The following PCLO variants were observed in gnomAD, a reference collection of about 807,000 sequenced individuals.
PCLO encodes piccolo presynaptic cytomatrix protein, also known as protein piccolo.
Under a neutral mutation model 427.5 loss-of-function variants are expected in PCLO, and 82 were observed. The ratio of observed to expected loss-of-function variants is 0.19; its 90% CI spans 0.16 to 0.23. The LOEUF is 0.23. Among genes scored for constraint, PCLO ranks in the 10% least tolerant of loss-of-function variants. The pLI, the probability that PCLO is intolerant of heterozygous loss-of-function variation, is 1.00. For synonymous variants in PCLO, 2,357 were observed against 2,155.4 expected, an observed-to-expected ratio of 1.09 and a Z score of -2.59; for missense variants, 6,239 against 6,115.9, an observed-to-expected ratio of 1.02 and a Z score of -0.67.
intron 22 of PCLO, among the ~76,000 whole-genome samples, chr7:82,769,367 C>T (rs1554329944): frequency 2.6e-5 from 4 of 151,812 alleles, no homozygotes. Flanking sequence ...CACAGCAATG[C>T]TTTTTTTTGA....
chr7:83,009,132 T>G (rs775940915), intron 3 of PCLO, among the ~76,000 whole-genome samples: 12 of 151,798 alleles, frequency 7.9e-5, no homozygotes, highest in Admixed American at 2.6e-4. Flanking sequence ...TGTCTAAATA[T>G]AGCATGTCTA....
chr7:82,886,464 A>G (rs892087400), intron 9 of PCLO, among the ~76,000 whole-genome samples: 26 of 152,232 alleles, frequency 1.7e-4, no homozygotes, highest in African/African-American at 6.3e-4. Flanking sequence ...TGATTATGTA[A>G]TAATTATTAT....
At chr7:82,958,000 C>T (rs931500186) in intron 4 of PCLO, among the ~76,000 whole-genome samples, 4 of 151,982 alleles carry the variant, frequency 2.6e-5, no homozygotes, top group Non-Finnish European at 5.9e-5. Context: ...GACTTTTTTG[C>T]TAATTAAAAA....
intron 3 of PCLO, among the ~76,000 whole-genome samples, chr7:83,041,374 AT>A (rs1788969515): frequency 1.3e-5 from 2 of 152,256 alleles, no homozygotes; most frequent in East Asian, 1.9e-4. Context: ...TAAAGTCTCT[AT>A]TTTAAAATAG....
chr7:82,852,636 C>T (rs1792693955), intron 10 of PCLO, among the ~76,000 whole-genome samples: 1 of 152,114 alleles, frequency 6.6e-6, no homozygotes, highest in African/African-American at 2.4e-5. Context: ...GGTTTCCTTG[C>T]TCCTCAACTT....
chr7:82,965,810 T>A lies in PCLO; in HGVS notation c.3978A>T (p.Thr1326=), dbSNP rs1795752151. 1 of 1,612,648 alleles carries A rather than the reference T, an allele frequency of 6.2e-7. No homozygotes were observed. The highest frequency in any genetic ancestry group is 1.7e-5 in the Admixed American group (1 of 59,680). ...TIKEQPQPPC[T]AKPDQVEPGK... Reference sequence around the variant, plus strand: ...CAGGTTCCACCTGATCAGGTTTTGCTGTGCATGGTGGCTGTGGCTGTTCTT... The same window carrying A: ...CAGGTTCCACCTGATCAGGTTTTGCAGTGCATGGTGGCTGTGGCTGTTCTT... Residue 1326 remains threonine (T), a synonymous_variant, in exon 4 of 25, where the codon ACA becomes ACT. Coordinates refer to ENST00000333891, the MANE Select transcript of PCLO (RefSeq NM_033026.6).
rs536851671 is a variant in PCLO, at chr7:83,102,986, G to A, written c.3300+31264C>T. ...TTTATTAATTTGTATACCAAAAATG[G>A]TATGTTTATTTCCCTTCCTGAGATA... On this transcript the variant is annotated intron_variant, in intron 3 of 24. Coordinates refer to ENST00000333891, the MANE Select transcript of PCLO (RefSeq NM_033026.6). 4.8e-3 allele frequency among the ~76,000 whole-genome samples: 391 copies of A among 81,962 alleles called. 1 individual carries two copies. Among genetic ancestry groups the A allele is most frequent in the Non-Finnish European group, 7.5e-3 (299 of 40,028 alleles). 53.8% of individuals were successfully genotyped at this position (81,962 alleles called of 152,430 possible).
intron 3 of PCLO, among the ~76,000 whole-genome samples, chr7:83,093,665 T>C (rs1326667767): frequency 6.7e-6 from 1 of 149,646 alleles, no homozygotes; most frequent in Non-Finnish European, 1.5e-5. Flanking sequence ...GCTAATTTTT[T>C]TTATTTTTTA....
At chr7:83,148,620 T>C (rs193153930) in intron 2 of PCLO, among the ~76,000 whole-genome samples, 2 of 152,232 alleles carry the variant, frequency 1.3e-5, no homozygotes, top group African/African-American at 4.8e-5. Flanking sequence ...AACCAGCCCA[T>C]TGAAATTTGT....
At chr7:82,826,791 C>T in intron 17 of PCLO, 131 bp from the exon 18 acceptor site, 1 of 457,132 alleles carries the variant, frequency 2.2e-6, no homozygotes, top group Non-Finnish European at 3.8e-6. Context: ...TAAAATTTTA[C>T]CGAAAACTAT....
intron 3 of PCLO, among the ~76,000 whole-genome samples, chr7:83,058,707 A>G (rs1300028829): frequency 6.6e-6 from 1 of 151,602 alleles, no homozygotes; most frequent in East Asian, 2.0e-4. Flanking sequence ...AGATGGGGGA[A>G]GGGGATTTAT....
At chr7:83,085,967 A>C (rs934134840) in intron 3 of PCLO, among the ~76,000 whole-genome samples, 3 of 152,180 alleles carry the variant, frequency 2.0e-5, no homozygotes, top group African/African-American at 7.2e-5. Flanking sequence ...TTTGACATAA[A>C]TACATTTGCC....
intron 22 of PCLO, among the ~76,000 whole-genome samples, chr7:82,800,544 T>C (rs944735627): frequency 6.6e-6 from 1 of 152,080 alleles, no homozygotes; most frequent in Non-Finnish European, 1.5e-5. Flanking sequence ...AATAGTTAAA[T>C]GTATAGAGAG....
chr7:82,808,969 T>C (rs1279397390), intron 20 of PCLO, among the ~76,000 whole-genome samples: 1 of 151,966 alleles, frequency 6.6e-6, no homozygotes, highest in Non-Finnish European at 1.5e-5. Flanking sequence ...TGGAGAGGTT[T>C]TGATAAGCTG....
At chr7:82,789,589 C>G (rs903592291) in intron 22 of PCLO, among the ~76,000 whole-genome samples, 1 of 152,100 alleles carries the variant, frequency 6.6e-6, no homozygotes, top group Non-Finnish European at 1.5e-5. Context: ...ACCTGTAATC[C>G]AGCTACTCGG....
intron 3 of PCLO, among the ~76,000 whole-genome samples, chr7:83,040,592 T>G (rs1315741505): frequency 1.3e-5 from 2 of 152,276 alleles, no homozygotes; most frequent in Non-Finnish European, 2.9e-5. Context: ...CCCAGTTAAT[T>G]ATTTTCCGGC....
At chr7:82,829,542 A>C (rs1203750965) in intron 16 of PCLO, among the ~76,000 whole-genome samples, 2 of 152,182 alleles carry the variant, frequency 1.3e-5, no homozygotes, top group African/African-American at 4.8e-5. Context: ...TACACAATTA[A>C]GGGCAGAATT....
At chr7:83,009,558 T>G (rs1020040519) in intron 3 of PCLO, among the ~76,000 whole-genome samples, 3 of 151,870 alleles carry the variant, frequency 2.0e-5, no homozygotes, top group South Asian at 2.1e-4. Flanking sequence ...ATGAAATCCT[T>G]TTATAATTTC....
chr7:83,144,174 C>T (rs1482221436), intron 2 of PCLO, among the ~76,000 whole-genome samples: 1 of 152,160 alleles, frequency 6.6e-6, no homozygotes, highest in Non-Finnish European at 1.5e-5. Flanking sequence ...GTAATCTGCA[C>T]ACTTTGGGAG....
Sources: gnomAD v4.1 joint callset for allele counts (sites outside exome capture counted in the v4.1 genomes callset) on GRCh38, gnomAD v4.1.1 for gene constraint, MANE v1.5 for transcripts, NCBI Gene and HGNC (gene_info 2026-07-23, HGNC 2026-07-21) for gene names.